The following WDR70 variants were observed in gnomAD, a reference collection of about 807,000 sequenced individuals.
WDR70 encodes the protein WD repeat-containing protein 70.
A neutral mutation model predicts 88.6 loss-of-function variants in WDR70; 53 were observed. The observed-to-expected ratio is 0.60, with a 90% confidence interval of 0.48 to 0.75. WDR70 has a LOEUF of 0.75. Among genes scored for constraint, WDR70 ranks in the 30% least tolerant of loss-of-function variants. The pLI, the probability that WDR70 is intolerant of heterozygous loss-of-function variation, is 0.00. For synonymous variants in WDR70, 280 were observed against 270.0 expected (o/e 1.04, Z -0.36); for missense variants, 610 against 823.2 (o/e 0.74, Z 3.17).
chr5:37,686,455 T>C (rs1186477467), intron 10 of WDR70, among the ~76,000 whole-genome samples: 7 of 151,006 alleles, frequency 4.6e-5, no homozygotes, highest in Non-Finnish European at 8.9e-5. Context: ...TAGAAGTGAG[T>C]CTTGGACCCA....
intron 7 of WDR70, among the ~76,000 whole-genome samples, chr5:37,457,389 C>G (rs1738875838): frequency 6.6e-6 from 1 of 152,174 alleles, no homozygotes; most frequent in Non-Finnish European, 1.5e-5. Context: ...AGCCACTGCA[C>G]CCAGCCAGTA....
At chr5:37,471,558 G>A (rs886733965) in intron 7 of WDR70, among the ~76,000 whole-genome samples, 8 of 151,652 alleles carry the variant, frequency 5.3e-5, no homozygotes, top group Admixed American at 1.3e-4. Flanking sequence ...GCAATTTTTG[G>A]CTTGTTTTGT....
At chr5:37,520,580 A>C (rs1675144008) in intron 9 of WDR70, among the ~76,000 whole-genome samples, 1 of 152,126 alleles carries the variant, frequency 6.6e-6, no homozygotes, top group South Asian at 2.1e-4. Context: ...CTAAATTAAT[A>C]ATATAGCATG....
chr5:37,403,312 A>G (rs1439112902), intron 5 of WDR70, among the ~76,000 whole-genome samples: 2 of 152,184 alleles, frequency 1.3e-5, no homozygotes, highest in African/African-American at 4.8e-5. Context: ...TGTAAATTCA[A>G]CACATCTAAG....
At chr5:37,683,359 A>T (rs1363298997) in intron 10 of WDR70, among the ~76,000 whole-genome samples, 1 of 152,092 alleles carries the variant, frequency 6.6e-6, no homozygotes, top group Non-Finnish European at 1.5e-5. Flanking sequence ...GATTAGTATC[A>T]AAGTTAGGAT....
intron 9 of WDR70, among the ~76,000 whole-genome samples, chr5:37,570,035 A>G (rs1355803364): frequency 6.6e-6 from 1 of 152,148 alleles, no homozygotes; most frequent in Non-Finnish European, 1.5e-5. Flanking sequence ...AAGACATACT[A>G]TTGTGGAGGG....
In WDR70 at chr5:37,670,953, G is replaced by T. The variant is rs187035942; in HGVS notation, c.1093-26702G>T. ...ATATGACAGTTCTATACTTGTATCC[G>T]CATTGTCCTTCCTACAGGTCTCTAA... On this transcript the variant is annotated intron_variant, in intron 10 of 17. Transcript: ENST00000265107. Among the ~76,000 whole-genome samples, 52 of 152,252 alleles carry T rather than the reference G, an allele frequency of 3.4e-4. 1 individual carries two copies. In the South Asian group the frequency reaches 1.0e-2, roughly 29 times the overall value.
intron 3 of WDR70, among the ~76,000 whole-genome samples, chr5:37,384,216 C>T: frequency 7.6e-6 from 1 of 130,824 alleles, no homozygotes; most frequent in African/African-American, 2.9e-5. Context: ...GGTCTCACTG[C>T]TGTTGCTTAG....
chr5:37,742,531 C>G (rs1258919138), intron 17 of WDR70, among the ~76,000 whole-genome samples: 1 of 152,004 alleles, frequency 6.6e-6, no homozygotes, highest in East Asian at 1.9e-4. Context: ...TCCCATTCTG[C>G]CTTTTCACTC....
rs116366224 is a variant in WDR70 at position 37,424,041 on chromosome 5, C to T, written c.493-13881C>T. Among the ~76,000 whole-genome samples, 254 of 145,902 alleles carry T rather than the reference C, an allele frequency of 1.7e-3. 1 individual carries two copies. Among genetic ancestry groups the T allele is most frequent in the African/African-American group, 5.9e-3 (238 of 40,066 alleles). Reference sequence around the variant, plus strand: ...GTGCATGCTTGTAATCCTGTCTACTCGGGTGGCTGAGGCAGGAGAATCGCT... The same window carrying T: ...GTGCATGCTTGTAATCCTGTCTACTTGGGTGGCTGAGGCAGGAGAATCGCT... On this transcript the variant is annotated intron_variant, in intron 5 of 17. Transcript: ENST00000265107.
At chr5:37,626,171 A>G (rs1328003592) in intron 10 of WDR70, among the ~76,000 whole-genome samples, 1 of 152,154 alleles carries the variant, frequency 6.6e-6, no homozygotes, top group African/African-American at 2.4e-5. Context: ...GAATAAGAAT[A>G]CTGAGATTGG....
intron 5 of WDR70, among the ~76,000 whole-genome samples, chr5:37,416,037 A>G (rs1340640588): frequency 1.4e-5 from 2 of 144,330 alleles, no homozygotes; most frequent in East Asian, 4.3e-4. Flanking sequence ...CTGGGCAGCC[A>G]GGCAGAGGGG....
chr5:37,518,232 A>G (rs1740954079), intron 9 of WDR70, among the ~76,000 whole-genome samples: 1 of 152,024 alleles, frequency 6.6e-6, no homozygotes. Context: ...GTTATTTTAA[A>G]ATGTACAGTT....
At chr5:37,617,569 A>C (rs1224824043) in intron 10 of WDR70, among the ~76,000 whole-genome samples, 2 of 152,202 alleles carry the variant, frequency 1.3e-5, no homozygotes, top group Non-Finnish European at 2.9e-5. Flanking sequence ...TAGGTAATCT[A>C]TGCCTTGCCT....
intron 11 of WDR70, among the ~76,000 whole-genome samples, chr5:37,700,128 G>T (rs554837630): frequency 2.0e-5 from 3 of 152,086 alleles, no homozygotes; most frequent in Admixed American, 6.6e-5. Flanking sequence ...TGTAAAAATG[G>T]GGATTTTTAC....
At chr5:37,661,394 C>T (rs1745696357) in intron 10 of WDR70, among the ~76,000 whole-genome samples, 3 of 152,262 alleles carry the variant, frequency 2.0e-5, no homozygotes, top group South Asian at 4.1e-4. Context: ...AGCCCTATAT[C>T]GAAATGTAGT....
At chr5:37,628,599 A>G (rs1326465237) in intron 10 of WDR70, among the ~76,000 whole-genome samples, 1 of 152,188 alleles carries the variant, frequency 6.6e-6, no homozygotes, top group Non-Finnish European at 1.5e-5. Flanking sequence ...AGCTGAGGTG[A>G]GATTCTTATA....
At chr5:37,620,852 T>G (rs1201786526) in intron 10 of WDR70, among the ~76,000 whole-genome samples, 1 of 152,054 alleles carries the variant, frequency 6.6e-6, no homozygotes, top group African/African-American at 2.4e-5. Context: ...ACTAAAGAAA[T>G]GAAAACAGAA....
At position 37,447,300 on chromosome 5, in the gene WDR70, G is replaced by A. The variant is rs1581286900; in HGVS notation, c.686+3928G>A. On this transcript the variant is annotated intron_variant, in intron 7 of 17. Transcript: ENST00000265107. The stretch of plus-strand genomic sequence containing the variant: ...AAGTCAGGAAACAACTAGTGCTGGA[G>A]AGGATGTAGAGAAATAGGAACACTT... 4.6e-5 allele frequency among the ~76,000 whole-genome samples: 7 copies of A among 152,164 alleles called. No individual in the cohort carries two copies. In the South Asian group the frequency reaches 1.4e-3, roughly 31 times the overall value.
Sources: allele counts gnomAD v4.1 joint callset (sites outside exome capture counted in the v4.1 genomes callset), GRCh38; gene constraint gnomAD v4.1.1; transcripts MANE v1.5; gene names NCBI Gene and HGNC (gene_info 2026-07-23, HGNC 2026-07-21).